Variants in DACH1 observed in about 807,000 individuals in gnomAD.
The protein encoded by DACH1 is dachshund homolog 1.
DACH1 carries 12 observed loss-of-function variants against 54.2 expected under a neutral mutation model. The ratio of observed to expected loss-of-function variants is 0.22; its 90% CI spans 0.14 to 0.36. The LOEUF (loss-of-function observed/expected upper bound fraction) is 0.36. Among genes scored for constraint, DACH1 ranks in the 10% least tolerant of loss-of-function variants. The probability of loss-of-function intolerance (pLI) is 1.00; values close to 1 mark genes in which losing one functional copy is unlikely to be tolerated. For synonymous variants in DACH1, 386 were observed against 366.2 expected (o/e 1.05, Z -0.62); for missense variants, 805 against 929.8 (o/e 0.87, Z 1.75).
intron 6 of DACH1, among the ~76,000 whole-genome samples, chr13:71,524,724 T>C (rs2138289930): frequency 6.6e-6 from 1 of 152,230 alleles, no homozygotes; most frequent in African/African-American, 2.4e-5. Context: ...GGAGATAGCA[T>C]ATTTGCAAGT....
intron 1 of DACH1, among the ~76,000 whole-genome samples, chr13:71,774,394 T>G (rs1406572932): frequency 6.6e-6 from 1 of 152,172 alleles, no homozygotes; most frequent in African/African-American, 2.4e-5. Flanking sequence ...TAACATAGTG[T>G]TCTTTAAATG....
intron 6 of DACH1, among the ~76,000 whole-genome samples, chr13:71,504,889 G>C (rs1207965846): frequency 6.6e-6 from 1 of 152,102 alleles, no homozygotes; most frequent in Non-Finnish European, 1.5e-5. Flanking sequence ...ACTGTGAGCT[G>C]TTGTGTCTCC....
intron 2 of DACH1, among the ~76,000 whole-genome samples, chr13:71,633,530 T>C (rs2138577129): frequency 6.6e-6 from 1 of 152,268 alleles, no homozygotes; most frequent in East Asian, 1.9e-4. Context: ...AGTACTCCTT[T>C]ATTTTTCTAT....
intron 1 of DACH1, among the ~76,000 whole-genome samples, chr13:71,716,528 G>A (rs1442840058): frequency 6.6e-6 from 1 of 151,970 alleles, no homozygotes; most frequent in Admixed American, 6.6e-5. Context: ...TCCTTCAGTT[G>A]TACATGTGAG....
intron 3 of DACH1, among the ~76,000 whole-genome samples, chr13:71,586,363 T>C (rs895952930): frequency 6.6e-6 from 1 of 152,164 alleles, no homozygotes; most frequent in Non-Finnish European, 1.5e-5. Flanking sequence ...CAAGGTTGCT[T>C]CAATCTTTTT....
intron 3 of DACH1, among the ~76,000 whole-genome samples, chr13:71,607,272 T>C (rs1320447782): frequency 6.6e-6 from 1 of 152,010 alleles, no homozygotes; most frequent in Non-Finnish European, 1.5e-5. Flanking sequence ...TTGCATTTCT[T>C]CTATTTGATA....
chr13:71,582,613 T>C (rs918597614), intron 3 of DACH1, among the ~76,000 whole-genome samples: 11 of 152,138 alleles, frequency 7.2e-5, no homozygotes, highest in African/African-American at 2.2e-4. Context: ...AGGTACTGCA[T>C]ATAACAGAAA....
At chr13:71,691,268 C>T (rs1881463266) in intron 1 of DACH1, among the ~76,000 whole-genome samples, 1 of 152,190 alleles carries the variant, frequency 6.6e-6, no homozygotes, top group Non-Finnish European at 1.5e-5. Flanking sequence ...ACTTTAAAGG[C>T]TGCTTTTCCA....
At chr13:71,825,321 A>T (rs537249290) in intron 1 of DACH1, among the ~76,000 whole-genome samples, 1 of 152,276 alleles carries the variant, frequency 6.6e-6, no homozygotes, top group African/African-American at 2.4e-5. Flanking sequence ...ATTGATAAAT[A>T]ATTCACCTAT....
chr13:71,732,197 T>A (rs1021481607), intron 1 of DACH1, among the ~76,000 whole-genome samples: 4 of 152,156 alleles, frequency 2.6e-5, no homozygotes, highest in African/African-American at 9.7e-5. Flanking sequence ...TAATGTCTAC[T>A]TCAAAAGCTC....
chr13:71,821,305 C>T (rs991626318), intron 1 of DACH1, among the ~76,000 whole-genome samples: 3 of 152,082 alleles, frequency 2.0e-5, no homozygotes, highest in Non-Finnish European at 4.4e-5. Flanking sequence ...CCAACTACTA[C>T]ACAGTTTTCC....
At chr13:71,513,517 A>G (rs546766914) in intron 6 of DACH1, among the ~76,000 whole-genome samples, 11 of 152,186 alleles carry the variant, frequency 7.2e-5, no homozygotes, top group African/African-American at 2.6e-4. Flanking sequence ...TTATTTGTTT[A>G]GATTCAGTGT....
At chr13:71,849,100 C>A (rs1178562261) in intron 1 of DACH1, among the ~76,000 whole-genome samples, 1 of 151,450 alleles carries the variant, frequency 6.6e-6, no homozygotes, top group Non-Finnish European at 1.5e-5. Context: ...ATGACAATTT[C>A]TTTTGAAATA....
chr13:71,860,684 A>T (rs972821683), intron 1 of DACH1, among the ~76,000 whole-genome samples: 2 of 152,118 alleles, frequency 1.3e-5, no homozygotes, highest in African/African-American at 4.8e-5. Context: ...TTAATTTCCC[A>T]TTATATTTTG....
At chr13:71,748,874 CTTT>C (rs1566476606) in intron 1 of DACH1, among the ~76,000 whole-genome samples, 4 of 20,226 alleles carry the variant, frequency 2.0e-4, no homozygotes, top group South Asian at 1.3e-3. Flanking sequence ...TTCTTTCTTT[CTTT>C]CTTTCTTTCT....
At chr13:71,621,072 C>T (rs1015411176) in intron 3 of DACH1, among the ~76,000 whole-genome samples, 1 of 151,760 alleles carries the variant, frequency 6.6e-6, no homozygotes, top group Admixed American at 6.6e-5. Context: ...TATCTATGTG[C>T]ATATATATGT....
chr13:71,741,327 T>C (rs554623686), intron 1 of DACH1, among the ~76,000 whole-genome samples: 2 of 152,172 alleles, frequency 1.3e-5, no homozygotes, highest in Admixed American at 1.3e-4. Context: ...AAATGCCTTA[T>C]CAGATACTGC....
intron 6 of DACH1, among the ~76,000 whole-genome samples, chr13:71,493,352 C>T (rs1190387548): frequency 6.6e-6 from 1 of 152,074 alleles, no homozygotes; most frequent in African/African-American, 2.4e-5. Flanking sequence ...TTCTTCCTAA[C>T]CAGTTAAAGC....
At chr13:71,802,956 G>T (rs958741734) in intron 1 of DACH1, among the ~76,000 whole-genome samples, 1 of 152,054 alleles carries the variant, frequency 6.6e-6, no homozygotes, top group Admixed American at 6.6e-5. Context: ...CAAAAACAAA[G>T]TCCTTCTGCT....
Sources: gnomAD v4.1 joint callset for allele counts (sites outside exome capture counted in the v4.1 genomes callset) on GRCh38, gnomAD v4.1.1 for gene constraint, MANE v1.5 for transcripts, NCBI Gene and HGNC (gene_info 2026-07-23, HGNC 2026-07-21) for gene names.